Variants in HECW1 observed in about 807,000 individuals in gnomAD.
The protein encoded by HECW1 is E3 ubiquitin-protein ligase HECW1.
Under a neutral mutation model 182.3 loss-of-function variants are expected in HECW1, and 61 were observed. The ratio of observed to expected loss-of-function variants is 0.33; its 90% CI spans 0.27 to 0.41. The LOEUF (loss-of-function observed/expected upper bound fraction) is 0.41. HECW1 is among the 10% of genes least tolerant of loss of function. The pLI is 1.00. For missense variants in HECW1, 1,739 were observed against 2,108.9 expected (o/e 0.82, Z 3.44); for synonymous variants, 859 against 832.6 (o/e 1.03, Z -0.55).
chr7:43,338,088 T>C (rs536240905), intron 5 of HECW1, among the ~76,000 whole-genome samples: 66 of 152,286 alleles, frequency 4.3e-4, no homozygotes, highest in African/African-American at 1.6e-3. Flanking sequence ...TCCACTTAGA[T>C]TGAAACACAG....
chr7:43,359,531 G>T (rs1047469196), intron 5 of HECW1, among the ~76,000 whole-genome samples: 1 of 152,176 alleles, frequency 6.6e-6, no homozygotes, highest in African/African-American at 2.4e-5. Context: ...AATAAGTAAT[G>T]TTGTTTGAGG....
In HECW1 at chr7:43,562,875, TTAGTC is replaced by T. The variant is rs768559511; in HGVS notation, c.*953_*957del. On this transcript the variant is annotated 3_prime_UTR_variant, in exon 30 of 30. Transcript: ENST00000395891. ...TGAGTTCTGTACTGTTCTGTTTTGT[TTAGTC>T]TAGCCACAGTTCTTCACAAAGGAAA... 5 of 218,270 alleles carry T rather than the reference TTAGTC, an allele frequency of 2.3e-5. No homozygotes were observed. The highest frequency in any genetic ancestry group is 2.8e-5 in the Non-Finnish European group (3 of 108,762). 13.5% of individuals were successfully genotyped at this position (218,270 alleles called of 1,614,324 possible). A position where few individuals can be genotyped will look rare whatever the true frequency, so the allele number is the denominator to read the frequency against.
chr7:43,361,770 C>A (rs1815937673), intron 6 of HECW1, among the ~76,000 whole-genome samples: 2 of 149,588 alleles, frequency 1.3e-5, no homozygotes, highest in Admixed American at 1.3e-4. Flanking sequence ...GGACAGAAAC[C>A]AGTGGAGGAC....
At chr7:43,164,198 G>C (rs1003509540) in intron 2 of HECW1, among the ~76,000 whole-genome samples, 4 of 152,200 alleles carry the variant, frequency 2.6e-5, no homozygotes, top group Non-Finnish European at 4.4e-5. Context: ...GAGTCATCTG[G>C]TCTGCATGGG....
At chr7:43,236,133 T>C (rs1438842741) in intron 2 of HECW1, among the ~76,000 whole-genome samples, 1 of 152,182 alleles carries the variant, frequency 6.6e-6, no homozygotes, top group African/African-American at 2.4e-5. Flanking sequence ...TCCGTGTATA[T>C]ACACACATGC....
chr7:43,334,199 C>T (rs1336740422), intron 5 of HECW1, among the ~76,000 whole-genome samples: 1 of 152,140 alleles, frequency 6.6e-6, no homozygotes, highest in Non-Finnish European at 1.5e-5. Flanking sequence ...AGCTTCTGTG[C>T]ATCTTATCTA....
At chr7:43,460,835 G>A (rs992623820) in intron 13 of HECW1, among the ~76,000 whole-genome samples, 1 of 152,158 alleles carries the variant, frequency 6.6e-6, no homozygotes, top group East Asian at 1.9e-4. Flanking sequence ...CTGTGCTTCG[G>A]CAGAGGTCAG....
intron 2 of HECW1, among the ~76,000 whole-genome samples, chr7:43,152,354 T>C (rs1047624398): frequency 2.0e-5 from 3 of 152,212 alleles, no homozygotes; most frequent in Non-Finnish European, 2.9e-5. Context: ...AAACTATGTA[T>C]TTTGGGAATA....
chr7:43,186,655 C>T (rs1440460483), intron 2 of HECW1, among the ~76,000 whole-genome samples: 8 of 137,526 alleles, frequency 5.8e-5, no homozygotes, highest in African/African-American at 1.7e-4. Flanking sequence ...GGTGACAGAG[C>T]GAGACTCCGT....
chr7:43,228,154 T>A (rs979626508), intron 2 of HECW1, among the ~76,000 whole-genome samples: 3 of 151,860 alleles, frequency 2.0e-5, no homozygotes, highest in Admixed American at 1.3e-4. Context: ...AAAAAGCAAA[T>A]AACGCCCAGG....
intron 24 of HECW1, among the ~76,000 whole-genome samples, chr7:43,538,502 G>A (rs775832922): frequency 6.6e-6 from 1 of 152,076 alleles, no homozygotes; most frequent in Non-Finnish European, 1.5e-5. Context: ...GAAGAGGGAG[G>A]TTAAATGCTT....
At chr7:43,221,575 T>G (rs962670221) in intron 2 of HECW1, among the ~76,000 whole-genome samples, 1 of 93,026 alleles carries the variant, frequency 1.1e-5, no homozygotes, top group Non-Finnish European at 2.0e-5. Flanking sequence ...TTTTTTTTTT[T>G]TTTTGGGACA....
intron 7 of HECW1, among the ~76,000 whole-genome samples, chr7:43,399,716 G>A (rs2075343129): frequency 1.3e-5 from 2 of 152,176 alleles, no homozygotes; most frequent in Non-Finnish European, 2.9e-5. Flanking sequence ...GGTGATCAGG[G>A]TTGGTTCATC....
chr7:43,563,899 T>G lies in HECW1; in HGVS notation c.*1973T>G, dbSNP rs536499030. 151 of 183,634 alleles carry G rather than the reference T, an allele frequency of 8.2e-4. No homozygotes were observed. Among genetic ancestry groups the G allele is most frequent in the African/African-American group, 3.2e-3 (137 of 42,622 alleles). The allele number at this position is 183,634 out of a possible 1,614,324, so 11.4% of individuals were successfully genotyped here. On this transcript the variant is annotated 3_prime_UTR_variant, in exon 30 of 30. Coordinates refer to ENST00000395891, the MANE Select transcript of HECW1 (RefSeq NM_015052.5). ...AAAATAAATAAAAATAAAAGCATTT[T>G]TTTAGTAGGAATTATCTACAATGCC...
At chr7:43,437,864 C>T (rs2076760867) in intron 8 of HECW1, 139 bp from the exon 9 acceptor site, 5 of 857,258 alleles carry the variant, frequency 5.8e-6, no homozygotes, top group South Asian at 3.6e-5. Flanking sequence ...AACAGGTTCA[C>T]AACATTTCTG....
intron 2 of HECW1, among the ~76,000 whole-genome samples, chr7:43,221,537 G>GTTTTTTTTTTTTTTTTTTTTTTTT (rs71008897): frequency 2.0e-5 from 1 of 50,532 alleles, no homozygotes; most frequent in Non-Finnish European, 3.4e-5. Context: ...GAGGAATTAG[G>GTTTTTTTTTTTTTTTTTTTTTTTT]TTTTTTTTTT....
At chr7:43,514,231 A>G (rs10271015) in intron 24 of HECW1, among the ~76,000 whole-genome samples, 41,278 of 151,752 alleles carry the variant, frequency 0.27, 5,644 homozygotes, top group South Asian at 0.35. Flanking sequence ...ACAGAACAGT[A>G]TGTGTCTGTT....
chr7:43,341,404 C>T (rs886839213), intron 5 of HECW1, among the ~76,000 whole-genome samples: 7 of 151,626 alleles, frequency 4.6e-5, no homozygotes, highest in Non-Finnish European at 1.0e-4. Context: ...GCTATGCTAT[C>T]GTATTTAAAG....
At chr7:43,557,896 A>C (rs894044727) in intron 29 of HECW1, among the ~76,000 whole-genome samples, 5 of 152,236 alleles carry the variant, frequency 3.3e-5, no homozygotes, top group Admixed American at 2.6e-4. Flanking sequence ...CTATTTCATT[A>C]AAATGAAATG....
Sources: gnomAD v4.1 joint callset for allele counts (sites outside exome capture counted in the v4.1 genomes callset) on GRCh38, gnomAD v4.1.1 for gene constraint, MANE v1.5 for transcripts, NCBI Gene and HGNC (gene_info 2026-07-23, HGNC 2026-07-21) for gene names.